The following NF1 variants were observed in gnomAD, a reference collection of about 807,000 sequenced individuals.
The protein encoded by NF1 is neurofibromin 1.
A neutral mutation model predicts 325.7 loss-of-function variants in NF1; 122 were observed. That is an observed-to-expected ratio of 0.37 (90% CI 0.32 to 0.44). NF1 has a LOEUF of 0.44. Among genes scored for constraint, NF1 ranks in the 20% least tolerant of loss-of-function variants. NF1 has a pLI of 1.00. For synonymous variants in NF1, 1,091 were observed against 1,186.0 expected, an observed-to-expected ratio of 0.92 and a Z score of 1.65; for missense variants, 2,140 against 3,415.4, an observed-to-expected ratio of 0.63 and a Z score of 9.31.
At chr17:31,212,810 T>A (rs964714600) in intron 12 of NF1, among the ~76,000 whole-genome samples, 24 of 152,116 alleles carry the variant, frequency 1.6e-4, no homozygotes, top group African/African-American at 5.3e-4. Context: ...ACTTTTTTTT[T>A]ATATGACTAG....
intron 36 of NF1, among the ~76,000 whole-genome samples, chr17:31,292,494 C>A (rs1224724685): frequency 6.6e-6 from 1 of 151,984 alleles, no homozygotes; most frequent in Non-Finnish European, 1.5e-5. Flanking sequence ...TATTCAAATC[C>A]CAAAATCGGC....
chr17:31,265,043 T>A (rs1036090414), intron 35 of NF1, among the ~76,000 whole-genome samples, 186 bp from the exon 36 acceptor site: 5 of 152,332 alleles, frequency 3.3e-5, no homozygotes, highest in Non-Finnish European at 4.4e-5. Flanking sequence ...CTAAAAGTGC[T>A]TTTGTGGTTC....
intron 15 of NF1, 99 bp downstream of exon 15, chr17:31,222,028 T>TA (rs949202335): frequency 4.4e-5 from 59 of 1,327,904 alleles, no homozygotes; most frequent in Non-Finnish European, 5.1e-5. Context: ...TTGTAAAACT[T>TA]ACACTTCCAA....
intron 8 of NF1, 129 bp from the exon 9 acceptor site, chr17:31,200,293 A>C (rs1056821212): frequency 6.4e-5 from 50 of 783,376 alleles, no homozygotes; most frequent in Admixed American, 2.8e-5. Context: ...GAAATTGAAA[A>C]CCACAAATAT....
At chr17:31,209,598 C>T (rs1274008392) in intron 12 of NF1, among the ~76,000 whole-genome samples, 3 of 152,034 alleles carry the variant, frequency 2.0e-5, no homozygotes, top group African/African-American at 4.8e-5. Flanking sequence ...ATTTTTATAT[C>T]GTTTTGGCAT....
At chr17:31,310,969 C>G (rs1366329963) in intron 36 of NF1, among the ~76,000 whole-genome samples, 1 of 139,442 alleles carries the variant, frequency 7.2e-6, no homozygotes, top group African/African-American at 2.7e-5. Context: ...CGTTTGGAGA[C>G]AGGGTCTCAC....
intron 1 of NF1, among the ~76,000 whole-genome samples, chr17:31,111,572 A>G (rs1913418048): frequency 6.6e-6 from 1 of 152,200 alleles, no homozygotes; most frequent in South Asian, 2.1e-4. Context: ...ACTTTTTAAT[A>G]CAACTGTGGA....
chr17:31,290,639 G>A (rs2068326322), intron 36 of NF1, among the ~76,000 whole-genome samples: 1 of 152,096 alleles, frequency 6.6e-6, no homozygotes, highest in African/African-American at 2.4e-5. Flanking sequence ...TTTCTATATT[G>A]TGGTTATCTT....
chr17:31,243,244 A>C (rs2067335544), intron 29 of NF1, among the ~76,000 whole-genome samples: 2 of 129,358 alleles, frequency 1.5e-5, no homozygotes, highest in East Asian at 4.9e-4. Context: ...GAGGGGCGAC[A>C]CAAGCAGCCC....
chr17:31,221,978 A>T (rs1418268376), intron 15 of NF1, 49 bp downstream of exon 15: 1 of 1,523,496 alleles, frequency 6.6e-7, no homozygotes, highest in Admixed American at 1.9e-5. Context: ...TTTATTTTGT[A>T]TTTTTGTCTT....
intron 35 of NF1, among the ~76,000 whole-genome samples, chr17:31,263,765 C>CT (rs200825400): frequency 1.3e-5 from 2 of 151,136 alleles, no homozygotes; most frequent in East Asian, 1.9e-4. Context: ...GACCCATTTT[C>CT]TTTTTTTTAA....
At chr17:31,107,132 T>G (rs1036207943) in intron 1 of NF1, among the ~76,000 whole-genome samples, 2 of 152,162 alleles carry the variant, frequency 1.3e-5, no homozygotes, top group Non-Finnish European at 2.9e-5. Flanking sequence ...TCTATCCTCC[T>G]GTCTTTATCG....
chr17:31,097,671 A>G (rs1201177036), intron 1 of NF1, among the ~76,000 whole-genome samples: 2 of 152,120 alleles, frequency 1.3e-5, no homozygotes, highest in African/African-American at 2.4e-5. Flanking sequence ...GTTGTAATTA[A>G]GAGAAAGATA....
rs767132258 is a variant in NF1, at chr17:31,200,451, T to C, written c.918T>C (p.Ala306=). Residue 306 remains alanine, a synonymous_variant, in exon 9 of 58, where the codon GCT becomes GCC. Coordinates refer to ENST00000358273, the MANE Select transcript of NF1 (RefSeq NM_001042492.3). The part of the protein sequence containing the change: ...KKLFLDSLRK[A]LAGHGGSRQL... Reference sequence around the variant, plus strand: ...TATTTCTGGACAGTCTACGAAAAGCTCTTGCTGGCCATGGAGGAAGTAGGC... The same window carrying C: ...TATTTCTGGACAGTCTACGAAAAGCCCTTGCTGGCCATGGAGGAAGTAGGC... The C allele has an allele frequency of 6.2e-7, 1 of 1,614,134 alleles. No homozygotes were observed. Among genetic ancestry groups the C allele is most frequent in the Admixed American group, 1.7e-5 (1 of 60,020 alleles).
chr17:31,289,739 T>G (rs1197576621), intron 36 of NF1, among the ~76,000 whole-genome samples: 1 of 152,218 alleles, frequency 6.6e-6, no homozygotes, highest in Non-Finnish European at 1.5e-5. Flanking sequence ...TCAGTTTTTC[T>G]TGTTAGAAAG....
In NF1 at chr17:31,337,803, G is replaced by A. The variant is rs1439028747; in HGVS notation, c.6643-16G>A. ...CATTTATGTACAATATGTATTCAGA[G>A]TATCCCCTTTTTTAGGCATGCATGA... On this transcript the variant is annotated splice_polypyrimidine_tract_variant and intron_variant, in intron 43 of 57. Transcript: ENST00000358273. The A allele has an allele frequency of 1.9e-6, 3 of 1,612,544 alleles. No homozygotes were observed. Among genetic ancestry groups the A allele is most frequent in the South Asian group, 1.1e-5 (1 of 91,034 alleles).
At chr17:31,163,154 A>G in intron 3 of NF1, 32 bp from the exon 4 acceptor site, 1 of 1,607,630 alleles carries the variant, frequency 6.2e-7, no homozygotes, top group Non-Finnish European at 8.5e-7. Flanking sequence ...GTAAAATTAA[A>G]GTTTAGAATA....
intron 1 of NF1, among the ~76,000 whole-genome samples, chr17:31,151,801 A>G (rs892936897): frequency 6.6e-6 from 1 of 152,222 alleles, no homozygotes; most frequent in South Asian, 2.1e-4. Flanking sequence ...TGTTGAATGC[A>G]TAGATGGAGA....
rs190013343 is a variant in NF1, at chr17:31,318,820, G to A, written c.4836-7000G>A. ...ATTACCTTTATAATCTACTTCAGGA[G>A]TTATAGGGTTTGTGTTAATGTTTTC... is the stretch of plus-strand genomic sequence containing the variant. On this transcript the variant is annotated intron_variant, in intron 36 of 57. Transcript: ENST00000358273. The A allele has an allele frequency of 1.7e-4, 274 of 1,613,976 alleles. 3 individuals are homozygous for A. In the East Asian group the frequency reaches 6.0e-3, roughly 35 times the overall value.
Sources: allele counts gnomAD v4.1 joint callset (sites outside exome capture counted in the v4.1 genomes callset), GRCh38; gene constraint gnomAD v4.1.1; transcripts MANE v1.5; gene names NCBI Gene and HGNC (gene_info 2026-07-23, HGNC 2026-07-21).